The following TTC39B variants were observed in gnomAD, a reference collection of about 807,000 sequenced individuals.
TTC39B encodes tetratricopeptide repeat protein 39B.
Under a neutral mutation model 96.6 loss-of-function variants are expected in TTC39B, and 92 were observed. The observed-to-expected ratio is 0.95, with a 90% CI of 0.80 to 1.13. The LOEUF is 1.13. Among genes scored for constraint, TTC39B ranks in the 50% most tolerant of loss-of-function variants. TTC39B has a pLI of 0.00. For missense variants in TTC39B, 955 were observed against 809.3 expected (o/e 1.18, Z -2.18); for synonymous variants, 367 against 299.4 (o/e 1.23, Z -2.33).
chr9:15,215,072 A>G (rs1254857235), intron 3 of TTC39B, among the ~76,000 whole-genome samples: 1 of 151,658 alleles, frequency 6.6e-6, no homozygotes, highest in Non-Finnish European at 1.5e-5. Context: ...TGGGCAACAG[A>G]GTGAGCACTC....
At chr9:15,176,305 G>C (rs1042714346) in intron 18 of TTC39B, among the ~76,000 whole-genome samples, 1 of 152,058 alleles carries the variant, frequency 6.6e-6, no homozygotes, top group Non-Finnish European at 1.5e-5. Context: ...CAGCACAATA[G>C]GTCATCCTTT....
At chr9:15,261,724 A>T (rs1822953614) in intron 2 of TTC39B, among the ~76,000 whole-genome samples, 1 of 152,056 alleles carries the variant, frequency 6.6e-6, no homozygotes, top group Admixed American at 6.6e-5. Flanking sequence ...ACCCAAAGCA[A>T]ATGCCAGCAC....
rs545366961 is a variant in TTC39B at position 15,297,817 on chromosome 9, C to G, written c.240+9267G>C. Among the ~76,000 whole-genome samples the G allele has an allele frequency of 4.6e-5, 7 of 152,276 alleles. No individual in the cohort carries two copies. In the South Asian group the frequency reaches 1.2e-3, roughly 27 times the overall value. On this transcript the variant is annotated intron_variant, in intron 1 of 19. Transcript: ENST00000512701. The stretch of plus-strand genomic sequence containing the variant: ...CTCACTGAAACCCGCAGATGCACAC[C>G]ATGATCTCCACAATCTGACATGAAA...
At chr9:15,183,306 G>A (rs1328543032) in intron 16 of TTC39B, 1 of 419,670 alleles carries the variant, frequency 2.4e-6, no homozygotes, top group Non-Finnish European at 4.6e-6. Flanking sequence ...ATTTATTGCT[G>A]CTAATAGAGC....
At chr9:15,200,502 C>A (rs772989055) in intron 7 of TTC39B, among the ~76,000 whole-genome samples, 28 of 152,178 alleles carry the variant, frequency 1.8e-4, no homozygotes, top group Non-Finnish European at 3.5e-4. Context: ...CACTTCAATT[C>A]TGTTTATCTG....
At chr9:15,280,864 G>C (rs1184268028) in intron 1 of TTC39B, among the ~76,000 whole-genome samples, 1 of 152,122 alleles carries the variant, frequency 6.6e-6, no homozygotes, top group Non-Finnish European at 1.5e-5. Context: ...CTCTCTCAGG[G>C]CTCCCCCTAC....
intron 1 of TTC39B, among the ~76,000 whole-genome samples, chr9:15,287,520 G>C (rs554925902): frequency 6.6e-5 from 10 of 152,284 alleles, no homozygotes; most frequent in African/African-American, 2.4e-4. Context: ...TAAAATGTCA[G>C]AGCCTAATCT....
chr9:15,194,803 A>G (rs1819061877), intron 8 of TTC39B, among the ~76,000 whole-genome samples: 2 of 152,178 alleles, frequency 1.3e-5, no homozygotes, highest in Non-Finnish European at 1.5e-5. Context: ...CCACACCCAT[A>G]TAAGAGCGAA....
intron 13 of TTC39B, among the ~76,000 whole-genome samples, chr9:15,188,560 A>G (rs1818670418): frequency 6.6e-6 from 1 of 152,222 alleles, no homozygotes; most frequent in Non-Finnish European, 1.5e-5. Context: ...AAGAAAAAGA[A>G]AACTCAACAG....
At chr9:15,181,423 A>C (rs1050783124) in intron 17 of TTC39B, among the ~76,000 whole-genome samples, 9 of 152,188 alleles carry the variant, frequency 5.9e-5, no homozygotes, top group African/African-American at 2.2e-4. Flanking sequence ...ACAGAATCAA[A>C]AAATGTCAGG....
At chr9:15,233,781 G>A (rs1288187879) in intron 2 of TTC39B, among the ~76,000 whole-genome samples, 3 of 151,434 alleles carry the variant, frequency 2.0e-5, no homozygotes, top group South Asian at 2.1e-4. Context: ...CCGCCACCCC[G>A]TCTGGGAAGT....
At chr9:15,274,325 T>C (rs1823461001) in intron 1 of TTC39B, among the ~76,000 whole-genome samples, 1 of 152,274 alleles carries the variant, frequency 6.6e-6, no homozygotes, top group Admixed American at 6.5e-5. Context: ...AAGTAGTCCA[T>C]GGCCTTCTAC....
At chr9:15,277,901 C>A (rs772484513) in intron 1 of TTC39B, among the ~76,000 whole-genome samples, 10 of 152,124 alleles carry the variant, frequency 6.6e-5, no homozygotes, top group Non-Finnish European at 1.2e-4. Context: ...GTGTTAAATG[C>A]CAAGCGAAGC....
At chr9:15,221,293 C>T (rs1176946301) in intron 3 of TTC39B, among the ~76,000 whole-genome samples, 1 of 152,192 alleles carries the variant, frequency 6.6e-6, no homozygotes, top group Non-Finnish European at 1.5e-5. Flanking sequence ...CTCTCCCTCC[C>T]ACCACTGACA....
At chr9:15,283,227 G>A (rs562487595) in intron 1 of TTC39B, among the ~76,000 whole-genome samples, 1 of 152,146 alleles carries the variant, frequency 6.6e-6, no homozygotes, top group South Asian at 2.1e-4. Context: ...TATCACTAAA[G>A]ACAGAAATTT....
At chr9:15,211,013 C>T (rs1235094991) in intron 5 of TTC39B, among the ~76,000 whole-genome samples, 1 of 152,088 alleles carries the variant, frequency 6.6e-6, no homozygotes, top group Admixed American at 6.5e-5. Context: ...TTGAGAGATG[C>T]TTGCTGCTAA....
intron 2 of TTC39B, among the ~76,000 whole-genome samples, chr9:15,246,177 T>C (rs1052419896): frequency 2.0e-5 from 3 of 152,116 alleles, no homozygotes; most frequent in South Asian, 2.1e-4. Flanking sequence ...TGCTTGAACC[T>C]GGGAGGCAGA....
At position 15,191,380 on chromosome 9, in the gene TTC39B, C is replaced by A. The variant is rs1347713301; in HGVS notation, c.931-125G>T. The A allele has an allele frequency of 9.6e-6, 6 of 626,160 alleles. No individual in the cohort carries two copies. In the East Asian group the frequency reaches 1.4e-4, roughly 15 times the overall value. 38.8% of individuals were successfully genotyped at this position (626,160 alleles called of 1,614,324 possible). A position where few individuals can be genotyped will look rare whatever the true frequency, so the allele number is the denominator to read the frequency against. ...GAAATTGGGAACAAGTTTTAACCAC[C>A]AGATATTTCTGTTACCACATACTGT... On this transcript the variant is annotated intron_variant, in intron 9 of 19. Coordinates refer to ENST00000512701, the Ensembl canonical transcript of TTC39B.
intron 18 of TTC39B, among the ~76,000 whole-genome samples, chr9:15,176,163 CTGTAGAGCAACTCTTCT>C (rs1239158745): frequency 1.3e-5 from 2 of 152,124 alleles, no homozygotes. Context: ...TGCAAAATCA[CTGTAGAGCAACTCTTCT>C]TCAGTATAGC....
Sources: gnomAD v4.1 joint callset for allele counts (sites outside exome capture counted in the v4.1 genomes callset) on GRCh38, gnomAD v4.1.1 for gene constraint, MANE v1.5 for transcripts, NCBI Gene and HGNC (gene_info 2026-07-23, HGNC 2026-07-21) for gene names.